The following IL1RAPL1 variants were observed in gnomAD, a reference collection of about 807,000 sequenced individuals.
IL1RAPL1 encodes the protein interleukin-1 receptor accessory protein-like 1.
IL1RAPL1 carries 3 observed loss-of-function variants against 48.4 expected under a neutral mutation model. That is an observed-to-expected ratio of 0.06 (90% CI 0.03 to 0.16). IL1RAPL1 has a LOEUF of 0.16. Among genes scored for constraint, IL1RAPL1 ranks in the 10% least tolerant of loss-of-function variants. The pLI is 1.00. For synonymous variants in IL1RAPL1, 185 were observed against 187.7 expected (o/e 0.99, Z 0.12); for missense variants, 349 against 530.6 (o/e 0.66, Z 3.36).
chrX:28,933,961 A>G (rs1923949841), intron 2 of IL1RAPL1, among the ~76,000 whole-genome samples: 1 of 111,577 alleles, frequency 9.0e-6, no homozygotes, highest in Non-Finnish European at 1.9e-5. Flanking sequence ...CATATAATAA[A>G]CAGTGAGGAC....
intron 5 of IL1RAPL1, among the ~76,000 whole-genome samples, chrX:29,482,308 C>G (rs1415821993): frequency 9.0e-6 from 1 of 111,712 alleles, no homozygotes; most frequent in Non-Finnish European, 1.9e-5. Context: ...TCAGCATCCT[C>G]TCCCCCACCA....
chrX:29,345,981 G>T (rs1489968491), intron 3 of IL1RAPL1, among the ~76,000 whole-genome samples: 4 of 111,889 alleles, frequency 3.6e-5, no homozygotes, highest in Non-Finnish European at 7.5e-5. Context: ...TACTTTCTCT[G>T]GCTTTGAGTT....
At chrX:29,043,457 T>TTTTAAG (rs1926888296) in intron 2 of IL1RAPL1, among the ~76,000 whole-genome samples, 2 of 111,038 alleles carry the variant, frequency 1.8e-5, no homozygotes, top group Non-Finnish European at 3.8e-5. Flanking sequence ...TCACTTAACT[T>TTTTAAG]TTTTTCCGAG....
chrX:28,829,210 C>G (rs1013237219), intron 2 of IL1RAPL1, among the ~76,000 whole-genome samples: 1 of 111,566 alleles, frequency 9.0e-6, no homozygotes, highest in African/African-American at 3.3e-5. Flanking sequence ...CCTTGCTGAA[C>G]TTGGTTTTTA....
At chrX:28,967,481 A>C (rs1924948894) in intron 2 of IL1RAPL1, among the ~76,000 whole-genome samples, 1 of 111,374 alleles carries the variant, frequency 9.0e-6, no homozygotes, top group Non-Finnish European at 1.9e-5. Context: ...CATTAAAAAA[A>C]AATTCTACTT....
At chrX:29,407,641 A>G (rs1168365247) in intron 5 of IL1RAPL1, among the ~76,000 whole-genome samples, 3 of 111,920 alleles carry the variant, frequency 2.7e-5, no homozygotes, top group Admixed American at 9.5e-5. Flanking sequence ...TAAGCAAGCA[A>G]TTCTGTAGGA....
At chrX:29,456,542 CAT>C (rs60831166) in intron 5 of IL1RAPL1, among the ~76,000 whole-genome samples, 8,231 of 110,722 alleles carry the variant, frequency 0.074, 458 homozygotes, top group African/African-American at 0.19. Flanking sequence ...TTCATTAAAA[CAT>C]GTGTTGAACA....
chrX:28,808,667 T>C (rs1361625062), intron 2 of IL1RAPL1, among the ~76,000 whole-genome samples: 2 of 111,414 alleles, frequency 1.8e-5, no homozygotes, highest in Non-Finnish European at 3.8e-5. Context: ...TATGCTTTAA[T>C]ATAAATAAGT....
chrX:29,288,396 C>T (rs775203170), intron 3 of IL1RAPL1, among the ~76,000 whole-genome samples: 42 of 111,326 alleles, frequency 3.8e-4, no homozygotes, highest in East Asian at 8.4e-4. Flanking sequence ...TACTTATAAG[C>T]GAGAATATGT....
chrX:29,730,016 A>G (rs181106475), intron 6 of IL1RAPL1, among the ~76,000 whole-genome samples: 71 of 112,292 alleles, frequency 6.3e-4, no homozygotes, highest in African/African-American at 2.2e-3. Context: ...TTGAGGTTCT[A>G]TACTGATTTG....
At chrX:28,685,756 T>A (rs1030664983) in intron 1 of IL1RAPL1, among the ~76,000 whole-genome samples, 2 of 112,101 alleles carry the variant, frequency 1.8e-5, no homozygotes, top group African/African-American at 6.5e-5. Flanking sequence ...TAGGTGACTC[T>A]AAGCAGGAAT....
At chrX:29,221,610 TACACACACATACACACAC>T (rs1411396711) in intron 2 of IL1RAPL1, among the ~76,000 whole-genome samples, 10 of 61,805 alleles carry the variant, frequency 1.6e-4, no homozygotes, top group Non-Finnish European at 2.8e-4. Context: ...GAGCAATGTA[TACACACACATACACACAC>T]ACACACACAC....
At chrX:29,608,398 A>G in intron 5 of IL1RAPL1, among the ~76,000 whole-genome samples, 1 of 109,659 alleles carries the variant, frequency 9.1e-6, no homozygotes, top group African/African-American at 3.4e-5. Flanking sequence ...AAAAAAAAAA[A>G]GGAAGGAAGG....
At chrX:29,795,370 T>C (rs1289506992) in intron 6 of IL1RAPL1, among the ~76,000 whole-genome samples, 1 of 112,070 alleles carries the variant, frequency 8.9e-6, no homozygotes, top group Admixed American at 9.4e-5. Context: ...TCTCAGATAC[T>C]CAAATAATGC....
intron 2 of IL1RAPL1, among the ~76,000 whole-genome samples, chrX:29,013,730 G>A (rs1380781900): frequency 9.0e-6 from 1 of 110,601 alleles, no homozygotes; most frequent in African/African-American, 3.3e-5. Flanking sequence ...GGTGGGGGAG[G>A]GAGAGCATCA....
chrX:29,664,271 G>T (rs1028943788), intron 5 of IL1RAPL1, among the ~76,000 whole-genome samples: 4 of 110,776 alleles, frequency 3.6e-5, no homozygotes, highest in African/African-American at 9.9e-5. Flanking sequence ...AGGCATGGTG[G>T]CGGGTACCTG....
intron 2 of IL1RAPL1, among the ~76,000 whole-genome samples, chrX:29,070,758 G>T (rs1046300100): frequency 9.0e-6 from 1 of 111,057 alleles, no homozygotes; most frequent in Non-Finnish European, 1.9e-5. Context: ...CTATAGTCTG[G>T]CAAAAAAAGG....
intron 1 of IL1RAPL1, among the ~76,000 whole-genome samples, chrX:28,592,232 A>G (rs1442133310): frequency 8.9e-6 from 1 of 111,847 alleles, no homozygotes; most frequent in Non-Finnish European, 1.9e-5. Flanking sequence ...TATGTGTGAG[A>G]GTGTTTTCTG....
chrX:29,553,145 C>A (rs1843618412), intron 5 of IL1RAPL1, among the ~76,000 whole-genome samples: 1 of 111,812 alleles, frequency 8.9e-6, no homozygotes. Context: ...AATGTTTTAT[C>A]TTTCTTTTTT....
Sources: allele counts gnomAD v4.1 joint callset (sites outside exome capture counted in the v4.1 genomes callset), GRCh38; gene constraint gnomAD v4.1.1; transcripts MANE v1.5; gene names NCBI Gene and HGNC (gene_info 2026-07-23, HGNC 2026-07-21).